The following GALNTL6 variants were observed in gnomAD, a reference collection of about 807,000 sequenced individuals.
The protein encoded by GALNTL6 is polypeptide N-acetylgalactosaminyltransferase like 6.
In GALNTL6, 46 loss-of-function variants were observed where a neutral mutation model predicts 73.7. The observed-to-expected ratio is 0.62, with a 90% CI of 0.49 to 0.80. The LOEUF (loss-of-function observed/expected upper bound fraction) is 0.80, where lower values mean the gene tolerates loss of function less well. GALNTL6 is among the 30% of genes least tolerant of loss of function. The pLI, the probability that GALNTL6 is intolerant of heterozygous loss-of-function variation, is 0.00. For synonymous variants in GALNTL6, 259 were observed against 263.7 expected, an observed-to-expected ratio of 0.98 and a Z score of 0.17; for missense variants, 604 against 755.0, an observed-to-expected ratio of 0.80 and a Z score of 2.34.
chr4:172,767,685 T>TTTTTTG (rs1738520427), intron 5 of GALNTL6, among the ~76,000 whole-genome samples: 1 of 128,690 alleles, frequency 7.8e-6, no homozygotes, highest in Non-Finnish European at 1.6e-5. Context: ...TTTTTTTTTT[T>TTTTTTG]GAGACAGTCT....
intron 5 of GALNTL6, among the ~76,000 whole-genome samples, chr4:172,709,786 A>G (rs1443308655): frequency 1.3e-5 from 2 of 152,154 alleles, no homozygotes; most frequent in Admixed American, 6.5e-5. Flanking sequence ...AATTGAGACA[A>G]TAGGGTGTTT....
chr4:171,940,451 T>C (rs1738495582), intron 2 of GALNTL6, among the ~76,000 whole-genome samples: 1 of 151,286 alleles, frequency 6.6e-6, no homozygotes. Context: ...TAATGGGGAG[T>C]TTGGTTGACT....
intron 8 of GALNTL6, among the ~76,000 whole-genome samples, chr4:172,917,927 C>T (rs2111283709): frequency 6.6e-6 from 1 of 152,310 alleles, no homozygotes; most frequent in African/African-American, 2.4e-5. Context: ...ATAAATCATG[C>T]TACTATAAAG....
chr4:172,359,661 C>G (rs1215566403), intron 5 of GALNTL6, among the ~76,000 whole-genome samples: 1 of 152,102 alleles, frequency 6.6e-6, no homozygotes, highest in Non-Finnish European at 1.5e-5. Context: ...TCCCCACCAC[C>G]AGGGGTGATC....
intron 2 of GALNTL6, among the ~76,000 whole-genome samples, chr4:172,104,100 C>T (rs759367953): frequency 2.6e-5 from 4 of 152,010 alleles, no homozygotes; most frequent in Non-Finnish European, 5.9e-5. Flanking sequence ...CCCACCACCA[C>T]GCCTGGCTAA....
At chr4:172,093,017 G>A (rs1732249466) in intron 2 of GALNTL6, among the ~76,000 whole-genome samples, 1 of 151,678 alleles carries the variant, frequency 6.6e-6, no homozygotes, top group Admixed American at 6.6e-5. Flanking sequence ...GGGACTACAG[G>A]CGCCCACCAC....
At chr4:172,818,080 A>G (rs1223775596) in intron 7 of GALNTL6, among the ~76,000 whole-genome samples, 1 of 152,210 alleles carries the variant, frequency 6.6e-6, no homozygotes. Flanking sequence ...AGAATCTTGT[A>G]AAAGTTCACA....
At chr4:171,910,193 T>A (rs546414847) in intron 2 of GALNTL6, among the ~76,000 whole-genome samples, 2,002 of 152,220 alleles carry the variant, frequency 0.013, 48 homozygotes, top group African/African-American at 0.045. Flanking sequence ...AAACTGTTGT[T>A]AAACCGTTGT....
chr4:171,838,395 T>G (rs993540058), intron 2 of GALNTL6, among the ~76,000 whole-genome samples: 1 of 152,128 alleles, frequency 6.6e-6, no homozygotes, highest in African/African-American at 2.4e-5. Context: ...AATGCTGAGA[T>G]TACAGTTGTG....
At chr4:172,987,696 C>T (rs1751351333) in intron 10 of GALNTL6, among the ~76,000 whole-genome samples, 1 of 152,026 alleles carries the variant, frequency 6.6e-6, no homozygotes, top group Non-Finnish European at 1.5e-5. Context: ...TCTCCACTTG[C>T]TATTCTCATG....
At chr4:172,591,228 T>C (rs964140014) in intron 5 of GALNTL6, among the ~76,000 whole-genome samples, 1 of 152,232 alleles carries the variant, frequency 6.6e-6, no homozygotes, top group African/African-American at 2.4e-5. Context: ...AGTTCATGAC[T>C]TCATAAAGGA....
At chr4:172,454,903 AT>A (rs778989442) in intron 5 of GALNTL6, among the ~76,000 whole-genome samples, 10 of 151,954 alleles carry the variant, frequency 6.6e-5, no homozygotes, top group African/African-American at 1.5e-4. Flanking sequence ...TTTTTTAAAG[AT>A]TTTTTTTCAG....
chr4:172,858,059 T>G (rs1424212276), intron 7 of GALNTL6, among the ~76,000 whole-genome samples: 2 of 152,216 alleles, frequency 1.3e-5, no homozygotes, highest in Non-Finnish European at 2.9e-5. Context: ...TTGCACTTTA[T>G]GGGAATTATT....
chr4:172,575,390 C>A (rs1212212767), intron 5 of GALNTL6, among the ~76,000 whole-genome samples: 1 of 152,134 alleles, frequency 6.6e-6, no homozygotes, highest in Non-Finnish European at 1.5e-5. Context: ...GCACACATTT[C>A]ATGTAGATAA....
chr4:172,042,127 A>G lies in GALNTL6; in HGVS notation c.139-187529A>G, dbSNP rs372866250. 2.6e-5 allele frequency among the ~76,000 whole-genome samples: 4 copies of G among 152,144 alleles called. No homozygotes were observed. In the East Asian group the frequency reaches 7.7e-4, roughly 29 times the overall value. ...GATACCCTGAACATTTTAGGTAAAG[A>G]CACATTTTCTCCAGTATGCCCTATT... On this transcript the variant is annotated intron_variant, in intron 2 of 12. Transcript: ENST00000506823.
At chr4:172,561,878 CA>C (rs1736385891) in intron 5 of GALNTL6, among the ~76,000 whole-genome samples, 1 of 152,038 alleles carries the variant, frequency 6.6e-6, no homozygotes, top group Non-Finnish European at 1.5e-5. Flanking sequence ...TTTTAATTAG[CA>C]AACTGTCTGA....
intron 10 of GALNTL6, among the ~76,000 whole-genome samples, chr4:172,970,738 T>G (rs1196712852): frequency 6.6e-6 from 1 of 152,132 alleles, no homozygotes; most frequent in Non-Finnish European, 1.5e-5. Context: ...ATTCTCAGCT[T>G]ACAAAGATAA....
In GALNTL6 at chr4:172,178,416, G is replaced by A. The variant is rs142473761; in HGVS notation, c.139-51240G>A. 1.4e-3 allele frequency among the ~76,000 whole-genome samples: 214 copies of A among 152,002 alleles called. 1 individual carries two copies. Among genetic ancestry groups the A allele is most frequent in the African/African-American group, 5.0e-3 (208 of 41,462 alleles). ...GCTTTTCTTCTAATGCTGTTCCTCCGCTAGCCCCTCAACCCCCAACAGGCT... is the reference window on the plus strand; with the variant it reads ...GCTTTTCTTCTAATGCTGTTCCTCCACTAGCCCCTCAACCCCCAACAGGCT... On this transcript the variant is annotated intron_variant, in intron 2 of 12. Transcript: ENST00000506823.
chr4:172,355,978 C>T (rs1300004030), intron 5 of GALNTL6, among the ~76,000 whole-genome samples: 1 of 152,104 alleles, frequency 6.6e-6, no homozygotes, highest in Non-Finnish European at 1.5e-5. Context: ...TAAACTAATA[C>T]TTTTAAAGGT....
Sources: allele counts gnomAD v4.1 joint callset (sites outside exome capture counted in the v4.1 genomes callset), GRCh38; gene constraint gnomAD v4.1.1; transcripts MANE v1.5; gene names NCBI Gene and HGNC (gene_info 2026-07-23, HGNC 2026-07-21).